PRDM5: variants seen among roughly 807,000 people sequenced by gnomAD.
PRDM5 encodes the protein PR/SET domain 5.
Under a neutral mutation model 81.2 loss-of-function variants are expected in PRDM5, and 56 were observed. The observed-to-expected ratio is 0.69, with a 90% CI of 0.56 to 0.86. The LOEUF is 0.86. Ranked by LOEUF, PRDM5 falls within the 40% of genes least tolerant of loss-of-function variation. The probability of loss-of-function intolerance (pLI) is 0.00; values close to 1 mark genes in which losing one functional copy is unlikely to be tolerated. For missense variants in PRDM5, 697 were observed against 770.1 expected (o/e 0.91, Z 1.12); for synonymous variants, 267 against 256.4 (o/e 1.04, Z -0.39).
intron 15 of PRDM5, among the ~76,000 whole-genome samples, chr4:120,700,451 C>A (rs1003305617): frequency 6.6e-6 from 1 of 152,202 alleles, no homozygotes; most frequent in East Asian, 1.9e-4. Context: ...ACAAAAAATT[C>A]ACAAGTGAAA....
At chr4:120,827,519 T>G (rs1297144417) in intron 3 of PRDM5, among the ~76,000 whole-genome samples, 8 of 152,122 alleles carry the variant, frequency 5.3e-5, no homozygotes, top group Non-Finnish European at 1.2e-4. Context: ...AGAGTAGTCA[T>G]ATAAATACAG....
At chr4:120,771,485 T>TA (rs968475546) in intron 13 of PRDM5, among the ~76,000 whole-genome samples, 12 of 152,068 alleles carry the variant, frequency 7.9e-5, no homozygotes, top group African/African-American at 2.4e-4. Flanking sequence ...AGCCTTCTTT[T>TA]AAAAAAAGTC....
intron 13 of PRDM5, among the ~76,000 whole-genome samples, chr4:120,756,218 C>T (rs1463294661): frequency 2.0e-5 from 3 of 152,092 alleles, no homozygotes; most frequent in Non-Finnish European, 4.4e-5. Context: ...CTATTGAGCC[C>T]CAATCTCCAT....
At chr4:120,722,070 A>T (rs1738693335) in intron 14 of PRDM5, among the ~76,000 whole-genome samples, 1 of 152,170 alleles carries the variant, frequency 6.6e-6, no homozygotes, top group African/African-American at 2.4e-5. Flanking sequence ...GGCAAGGGAG[A>T]GCCGGCTACG....
Position 120,785,054 on chromosome 4 carries a change from C to T in PRDM5, c.1226G>A (p.Cys409Tyr). The part of the protein sequence containing the change: ...SEERPFQCEE[C>Y]KALFRTPFSL... ...AAATGGGGTCCGGAACAAAGCTTTA[C>T]ATTCTTCACATTGGAACGGTCTCTC... Residue 409 changes from cysteine to tyrosine, a missense_variant, in exon 11 of 16, where the codon TGT (cysteine) becomes TAT (tyrosine). Physicochemically the swap from Cys to Tyr is radical, Grantham distance 194 (BLOSUM62 -2). Coordinates refer to ENST00000264808, the MANE Select transcript of PRDM5 (RefSeq NM_018699.4). 1 of 1,611,756 alleles carries T rather than the reference C, an allele frequency of 6.2e-7. No homozygotes were observed. The highest frequency in any genetic ancestry group is 1.3e-5 in the African/African-American group (1 of 74,958).
chr4:120,798,473 G>A (rs1372211092), intron 9 of PRDM5, 49 bp from the exon 10 acceptor site: 2 of 1,492,008 alleles, frequency 1.3e-6, no homozygotes, highest in South Asian at 1.2e-5. Flanking sequence ...TAAAGGTAAA[G>A]GATAAAAGAG....
chr4:120,688,158 C>A (rs1323709050), downstream of PRDM5, among the ~76,000 whole-genome samples: 1 of 151,700 alleles, frequency 6.6e-6, no homozygotes, highest in African/African-American at 2.4e-5. Flanking sequence ...TTTTCTTTTT[C>A]TTGAAGTGGC....
chr4:120,744,862 A>G (rs1473260161), intron 14 of PRDM5, among the ~76,000 whole-genome samples: 20 of 136,960 alleles, frequency 1.5e-4, no homozygotes, highest in African/African-American at 5.0e-4. Context: ...ACAAGGAGGA[A>G]CTGGTACCAT....
intron 1 of PRDM5, among the ~76,000 whole-genome samples, chr4:120,911,968 T>C (rs1186467697): frequency 6.6e-6 from 1 of 152,164 alleles, no homozygotes; most frequent in East Asian, 1.9e-4. Flanking sequence ...CTAACCATAG[T>C]TCAGGCTAAC....
intron 14 of PRDM5, among the ~76,000 whole-genome samples, chr4:120,733,436 G>T (rs1420722107): frequency 6.6e-6 from 1 of 152,132 alleles, no homozygotes; most frequent in Non-Finnish European, 1.5e-5. Flanking sequence ...CACTCAGTTG[G>T]TTTGCAATGC....
chr4:120,904,982 T>C (rs891204759), intron 2 of PRDM5, among the ~76,000 whole-genome samples: 9 of 151,312 alleles, frequency 5.9e-5, no homozygotes, highest in Non-Finnish European at 1.2e-4. Context: ...AGTTATCAGG[T>C]TTTTTTGGTT....
At chr4:120,704,550 C>A (rs1050685430) in intron 15 of PRDM5, among the ~76,000 whole-genome samples, 1 of 152,170 alleles carries the variant, frequency 6.6e-6, no homozygotes, top group African/African-American at 2.4e-5. Context: ...CACCTAAATT[C>A]TAGATAAGTA....
intron 14 of PRDM5, among the ~76,000 whole-genome samples, chr4:120,747,640 C>G (rs1204076707): frequency 6.6e-6 from 1 of 152,106 alleles, no homozygotes; most frequent in Non-Finnish European, 1.5e-5. Flanking sequence ...AGGCACAGGT[C>G]TGTTAAACCC....
intron 12 of PRDM5, among the ~76,000 whole-genome samples, chr4:120,779,689 G>T (rs1390592085): frequency 6.6e-6 from 1 of 152,088 alleles, no homozygotes; most frequent in East Asian, 1.9e-4. Context: ...ATCATTTGAG[G>T]TCAAGAGTTC....
intron 2 of PRDM5, among the ~76,000 whole-genome samples, chr4:120,878,739 C>T (rs959757547): frequency 6.6e-6 from 1 of 152,042 alleles, no homozygotes; most frequent in African/African-American, 2.4e-5. Flanking sequence ...TCTAAACAAA[C>T]CCTTGGCCAA....
At chr4:120,782,931 C>T (rs1749251764) in intron 11 of PRDM5, among the ~76,000 whole-genome samples, 1 of 151,358 alleles carries the variant, frequency 6.6e-6, no homozygotes, top group Non-Finnish European at 1.5e-5. Flanking sequence ...AAGTTCTTAC[C>T]TTCCTTCTTT....
At chr4:120,828,611 A>G (rs1561409728) in intron 3 of PRDM5, among the ~76,000 whole-genome samples, 1 of 152,048 alleles carries the variant, frequency 6.6e-6, no homozygotes, top group South Asian at 2.1e-4. Context: ...GGCTGAAGGG[A>G]ATTTGGCCCC....
rs538974453 is a variant in PRDM5, at chr4:120,867,873, C to G, written c.178-14333G>C. On this transcript the variant is annotated intron_variant, in intron 2 of 15. Coordinates refer to ENST00000264808, the MANE Select transcript of PRDM5 (RefSeq NM_018699.4). ...AACTTGGCCTGAGCACATACAAAAA[C>G]CCTAATATTAAACTCTAATGACAAG... Among the ~76,000 whole-genome samples the G allele has an allele frequency of 1.4e-4, 22 of 152,282 alleles. 1 individual carries two copies. In the East Asian group the frequency reaches 3.3e-3, roughly 23 times the overall value.
At chr4:120,733,576 A>G (rs72676392) in intron 14 of PRDM5, among the ~76,000 whole-genome samples, 4 of 152,246 alleles carry the variant, frequency 2.6e-5, no homozygotes, top group Non-Finnish European at 5.9e-5. Context: ...CCATGTTCCA[A>G]TGTTGCCATC....
Sources: allele counts gnomAD v4.1 joint callset (sites outside exome capture counted in the v4.1 genomes callset), GRCh38; gene constraint gnomAD v4.1.1; transcripts MANE v1.5; gene names NCBI Gene and HGNC (gene_info 2026-07-23, HGNC 2026-07-21).